The following RPS6 variants were observed in gnomAD, a reference collection of about 807,000 sequenced individuals.
The protein encoded by RPS6 is ribosomal protein S6.
Under a neutral mutation model 27.1 loss-of-function variants are expected in RPS6, and 1 was observed. The observed-to-expected ratio is 0.04, with a 90% CI of 0.01 to 0.18. The LOEUF (loss-of-function observed/expected upper bound fraction) is 0.18. Among genes scored for constraint, RPS6 ranks in the 10% least tolerant of loss-of-function variants. The pLI, the probability that RPS6 is intolerant of heterozygous loss-of-function variation, is 1.00. For missense variants in RPS6, 259 were observed against 319.1 expected (o/e 0.81, Z 1.44); for synonymous variants, 152 against 106.0 (o/e 1.43, Z -2.66).
At chr9:19,379,987 G>C in intron 1 of RPS6, 1 of 1,455,388 alleles carries the variant, frequency 6.9e-7, no homozygotes, top group Non-Finnish European at 9.0e-7. Context: ...TGGCGCTCCC[G>C]GCCCGCCGCG....
rs1294726789 is a variant in RPS6 at position 19,376,204 on chromosome 9, C to A, written c.*89G>T. On this transcript the variant is annotated 3_prime_UTR_variant, in exon 6 of 6. Transcript: ENST00000380394. ...TCCCCATTTTCTATGACCTAACTTT[C>A]CCTCTCTTCATTTATGTAGTTTTCT... is the stretch of plus-strand genomic sequence containing the variant. 1.8e-6 allele frequency: 2 copies of A among 1,136,528 alleles called. No homozygotes were observed. Among genetic ancestry groups the A allele is most frequent in the Admixed American group, 4.2e-5 (2 of 47,502 alleles). The allele number at this position is 1,136,528 out of a possible 1,614,324, so 70.4% of individuals were successfully genotyped here.
Position 19,378,384 on chromosome 9 carries a change from C to T in RPS6, c.480G>A (p.Lys160=). 6.2e-7 allele frequency: 1 copy of T among 1,612,646 alleles called. No homozygotes were observed. Among genetic ancestry groups the T allele is most frequent in the Non-Finnish European group, 8.5e-7 (1 of 1,179,974 alleles). The part of the protein sequence containing the change: ...EDDVRQYVVR[K]PLNKEGKKPR... Reference sequence around the variant, plus strand: ...CCCTCCTACCTTCTTTATTTAAGGGCTTTCTTACAACATACTGGCGGACAT... The same window carrying T: ...CCCTCCTACCTTCTTTATTTAAGGGTTTTCTTACAACATACTGGCGGACAT... The change falls in exon 4 of 6, where the codon AAG becomes AAA. Residue 160 remains lysine (K), a synonymous_variant. Coordinates refer to ENST00000380394, the MANE Select transcript of RPS6 (RefSeq NM_001010.3).
chr9:19,379,773 G>C (rs902883440), intron 1 of RPS6, 155 bp from the exon 2 acceptor site: 6 of 1,470,952 alleles, frequency 4.1e-6, no homozygotes, highest in Non-Finnish European at 5.4e-6. Context: ...AAAAGCACGT[G>C]AAAGCAGAGT....
At chr9:19,380,010 A>T in intron 1 of RPS6, 180 bp downstream of exon 1, 1 of 1,489,866 alleles carries the variant, frequency 6.7e-7, no homozygotes, top group Admixed American at 2.4e-5. Context: ...TCCAGCCGCA[A>T]TCGCCTGCCA....
rs1563857215 is a variant in RPS6, at chr9:19,376,244, G to A, written c.*49C>T. On this transcript the variant is annotated 3_prime_UTR_variant, in exon 6 of 6. Coordinates refer to ENST00000380394, the MANE Select transcript of RPS6 (RefSeq NM_001010.3). ...TGTAGTTTTCTATCAGCAATGAAAAGTCAACAGAGATCAGAGTCTGATCTT... is the reference window on the plus strand; with the variant it reads ...TGTAGTTTTCTATCAGCAATGAAAAATCAACAGAGATCAGAGTCTGATCTT... 2 of 1,473,102 alleles carry A rather than the reference G, an allele frequency of 1.4e-6. No homozygotes were observed. The highest frequency in any genetic ancestry group is 1.4e-5 in the African/African-American group (1 of 70,834). 91.3% of individuals were successfully genotyped at this position (1,473,102 alleles called of 1,614,324 possible).
At position 19,380,059 on chromosome 9, in the gene RPS6, G is replaced by A. The variant is rs1414754475; in HGVS notation, c.6+131C>T. On this transcript the variant is annotated intron_variant, in intron 1 of 5. Coordinates refer to ENST00000380394, the MANE Select transcript of RPS6 (RefSeq NM_001010.3). The stretch of plus-strand genomic sequence containing the variant: ...AAAGCTCCATGCCCCAGAAAGGCGA[G>A]CCTTCTCCTACTTGAGACCCTTCTC... 9 of 1,595,570 alleles carry A rather than the reference G, an allele frequency of 5.6e-6. No individual in the cohort carries two copies. In the African/African-American group the frequency reaches 6.7e-5, roughly 12 times the overall value.
In RPS6 at chr9:19,376,277, T is replaced by G. The variant is rs768929394; in HGVS notation, c.*16A>C. ...AGATCAGAGTCTGATCTTATTTATT[T>G]GTTACTCAAAAAATCTTATTTCTGA... On this transcript the variant is annotated 3_prime_UTR_variant, in exon 6 of 6. Coordinates refer to ENST00000380394, the MANE Select transcript of RPS6 (RefSeq NM_001010.3). 6.3e-7 allele frequency: 1 copy of G among 1,593,540 alleles called. No homozygotes were observed. The highest frequency in any genetic ancestry group is 1.1e-5 in the South Asian group (1 of 89,758).
At chr9:19,377,816 T>C (rs944280338) in intron 4 of RPS6, among the ~76,000 whole-genome samples, 3 of 152,218 alleles carry the variant, frequency 2.0e-5, no homozygotes, top group African/African-American at 7.2e-5. Flanking sequence ...GTTATCCATA[T>C]CCTACAGATG....
chr9:19,379,743 A>T, intron 1 of RPS6, 125 bp from the exon 2 acceptor site: 1 of 1,503,676 alleles, frequency 6.7e-7, no homozygotes, highest in Non-Finnish European at 8.8e-7. Flanking sequence ...AGGAAATATA[A>T]GATGCCGACT....
At position 19,376,614 on chromosome 9, in the gene RPS6, A is replaced by T. The variant is rs1589012281; in HGVS notation, c.534T>A (p.Arg178=). The T allele has an allele frequency of 6.2e-7, 1 of 1,614,054 alleles. No homozygotes were observed. The highest frequency in any genetic ancestry group is 1.3e-5 in the African/African-American group (1 of 74,932). The change falls in exon 5 of 6, where the codon CGT becomes CGA. Residue 178 remains arginine (R), a synonymous_variant. Coordinates refer to ENST00000380394, the MANE Select transcript of RPS6 (RefSeq NM_001010.3). ...KPRTKAPKIQ[R]LVTPRVLQHK... ...GCTGCAGGACACGTGGAGTAACAAG[A>T]CGCTGAATCTTGGGTGCTTTGGTCC...
chr9:19,376,838 A>G, intron 4 of RPS6, 187 bp from the exon 5 acceptor site: 1 of 497,738 alleles, frequency 2.0e-6, no homozygotes, highest in Non-Finnish European at 3.4e-6. Flanking sequence ...AAGATTGGTT[A>G]AATATTATAA....
At chr9:19,379,145 G>A in intron 2 of RPS6, 1 of 783,422 alleles carries the variant, frequency 1.3e-6, no homozygotes, top group South Asian at 1.9e-5. Context: ...TGTTTTATTA[G>A]AGATAACAGC....
At chr9:19,379,407 G>C in intron 2 of RPS6, 80 bp downstream of exon 2, 1 of 1,585,548 alleles carries the variant, frequency 6.3e-7, no homozygotes, top group Non-Finnish European at 8.6e-7. Flanking sequence ...CCCGGAGTCT[G>C]AACCCCATTC....
intron 3 of RPS6, 61 bp from the exon 4 acceptor site, chr9:19,378,575 A>T: frequency 6.3e-7 from 1 of 1,592,572 alleles, no homozygotes. Flanking sequence ...CCTAAATCAG[A>T]ATGTTTAATG....
chr9:19,379,631 A>G lies in RPS6; in HGVS notation c.7-13T>C. 1.2e-6 allele frequency: 2 copies of G among 1,609,882 alleles called. No individual in the cohort carries two copies. Among genetic ancestry groups the G allele is most frequent in the South Asian group, 1.1e-5 (1 of 90,708 alleles). On this transcript the variant is annotated splice_polypyrimidine_tract_variant and intron_variant, in intron 1 of 5. Transcript: ENST00000380394. The stretch of plus-strand genomic sequence containing the variant: ...AGGAGATGTTCAGCTAAGGATTAAA[A>G]GGGGGGAAATAGTTTACGAAACTAT...
chr9:19,377,408 T>TTTG (rs35953401), intron 4 of RPS6, among the ~76,000 whole-genome samples: 1 of 151,510 alleles, frequency 6.6e-6, no homozygotes, highest in African/African-American at 2.4e-5. Flanking sequence ...TTTTTTTTTT[T>TTTG]GCAACATCAG....
intron 1 of RPS6, chr9:19,379,843 T>C (rs1390686966): frequency 4.1e-5 from 59 of 1,426,426 alleles, no homozygotes; most frequent in Middle Eastern, 5.1e-4. Flanking sequence ...GCGGAATGAC[T>C]CTGGGGGCGA....
At chr9:19,378,682 GA>G (rs773734926) in intron 3 of RPS6, 25 bp downstream of exon 3, 176 of 1,609,764 alleles carry the variant, frequency 1.1e-4, no homozygotes, top group Middle Eastern at 9.9e-4. Context: ...CAATTTCAAC[GA>G]AAATTGAACA....
At chr9:19,377,616 T>A (rs1829610344) in intron 4 of RPS6, among the ~76,000 whole-genome samples, 1 of 152,238 alleles carries the variant, frequency 6.6e-6, no homozygotes, top group Non-Finnish European at 1.5e-5. Context: ...ACTGACATGC[T>A]GTTTATTTAA....
Sources: gnomAD v4.1 joint callset for allele counts (sites outside exome capture counted in the v4.1 genomes callset) on GRCh38, gnomAD v4.1.1 for gene constraint, MANE v1.5 for transcripts, NCBI Gene and HGNC (gene_info 2026-07-23, HGNC 2026-07-21) for gene names.